Variants in RNF130 observed in about 807,000 individuals in gnomAD.
RNF130 encodes ring finger protein 130.
In RNF130, 21 loss-of-function variants were observed where a neutral mutation model predicts 44.6. The ratio of observed to expected loss-of-function variants is 0.47; its 90% CI spans 0.33 to 0.68. The LOEUF is 0.68. RNF130 is among the 30% of genes least tolerant of loss of function. The pLI is 0.02. For synonymous variants in RNF130, 214 were observed against 210.4 expected (o/e 1.02, Z -0.15); for missense variants, 479 against 560.6 (o/e 0.85, Z 1.47).
intron 7 of RNF130, among the ~76,000 whole-genome samples, chr5:179,965,900 G>C (rs1003193420): frequency 6.6e-6 from 1 of 152,184 alleles, no homozygotes; most frequent in African/African-American, 2.4e-5. Context: ...TTTTGTAACA[G>C]TGTCATCCAT....
chr5:180,050,627 C>T (rs553653874), intron 1 of RNF130, among the ~76,000 whole-genome samples: 3 of 152,330 alleles, frequency 2.0e-5, no homozygotes, highest in African/African-American at 7.2e-5. Flanking sequence ...TGTTCCATTT[C>T]CCTCCTCCTT....
chr5:180,014,654 G>A (rs1763672676), intron 2 of RNF130, among the ~76,000 whole-genome samples: 1 of 152,132 alleles, frequency 6.6e-6, no homozygotes, highest in African/African-American at 2.4e-5. Flanking sequence ...CCATCTTTGT[G>A]TTACATGCAG....
intron 1 of RNF130, among the ~76,000 whole-genome samples, chr5:180,069,376 G>A (rs1582238795): frequency 6.6e-6 from 1 of 152,240 alleles, no homozygotes; most frequent in South Asian, 2.1e-4. Flanking sequence ...TTGGTACAAA[G>A]CCAGACTTAA....
At chr5:180,034,372 A>G (rs1764202078) in intron 2 of RNF130, among the ~76,000 whole-genome samples, 1 of 152,226 alleles carries the variant, frequency 6.6e-6, no homozygotes, top group Admixed American at 6.5e-5. Flanking sequence ...ATATGAAGGT[A>G]AAAACCAGCT....
chr5:179,931,175 G>A (rs949450227), intron 7 of RNF130, among the ~76,000 whole-genome samples: 1 of 152,054 alleles, frequency 6.6e-6, no homozygotes, highest in Admixed American at 6.6e-5. Flanking sequence ...GGATTCCTGT[G>A]ACAGTGTTTC....
intron 5 of RNF130, among the ~76,000 whole-genome samples, chr5:179,972,187 G>A (rs1260329074): frequency 6.6e-6 from 1 of 152,040 alleles, no homozygotes; most frequent in African/African-American, 2.4e-5. Context: ...TTCCAGCAGG[G>A]GTCAAGTGCA....
At chr5:180,051,749 T>C (rs1386507277) in intron 1 of RNF130, among the ~76,000 whole-genome samples, 1 of 152,192 alleles carries the variant, frequency 6.6e-6, no homozygotes, top group African/African-American at 2.4e-5. Flanking sequence ...AACGCAAATA[T>C]ATCTGTTGGA....
At chr5:179,956,052 A>T (rs1317439080) in intron 8 of RNF130, 1 of 173,408 alleles carries the variant, frequency 5.8e-6, no homozygotes, top group Admixed American at 6.2e-5. Flanking sequence ...TACCTCTCAA[A>T]CAAGAATGTC....
chr5:179,976,734 T>G (rs930759604), intron 5 of RNF130: 1 of 151,584 alleles, frequency 6.6e-6, no homozygotes, highest in African/African-American at 2.4e-5. Flanking sequence ...AGACTCAAAA[T>G]AGATTACTTT....
intron 3 of RNF130, among the ~76,000 whole-genome samples, chr5:179,996,963 G>A (rs776808182): frequency 6.6e-6 from 1 of 152,112 alleles, no homozygotes; most frequent in Non-Finnish European, 1.5e-5. Context: ...TTTAATGGGA[G>A]ACTTTTAATT....
intron 8 of RNF130, among the ~76,000 whole-genome samples, chr5:179,958,919 G>A (rs150677242): frequency 6.6e-6 from 1 of 152,250 alleles, no homozygotes; most frequent in East Asian, 1.9e-4. Flanking sequence ...GACCTCAGGT[G>A]ATCTGCCCAC....
intron 2 of RNF130, chr5:180,015,331 CT>C (rs1360300711): frequency 1.9e-6 from 1 of 533,596 alleles, no homozygotes; most frequent in Non-Finnish European, 3.9e-6. Flanking sequence ...TATAAAGTAA[CT>C]GAGACGGATC....
intron 5 of RNF130, among the ~76,000 whole-genome samples, chr5:179,972,955 G>A (rs929083339): frequency 2.6e-5 from 4 of 152,040 alleles, no homozygotes; most frequent in Admixed American, 6.5e-5. Context: ...CCTCTAGGCT[G>A]TGGGGTACTA....
intron 1 of RNF130, among the ~76,000 whole-genome samples, chr5:180,042,762 C>T (rs1414385422): frequency 6.6e-6 from 1 of 152,198 alleles, no homozygotes; most frequent in African/African-American, 2.4e-5. Context: ...GATGTGTACC[C>T]CTGCCTTCTG....
rs527268240 is a variant in RNF130, at chr5:179,933,969, G to A, written c.1151-13543C>T. 1.0e-5 allele frequency: 4 copies of A among 387,368 alleles called. No individual in the cohort carries two copies. In the East Asian group the frequency reaches 2.7e-4, roughly 26 times the overall value. The allele number at this position is 387,368 out of a possible 1,614,324, so 24.0% of individuals were successfully genotyped here. On this transcript the variant is annotated intron_variant, in intron 7 of 7. Transcript: ENST00000522208. ...ATCTTTGAGCTGCACCTCCAAGTTG[G>A]GGCTGATTATGGCACACTTGTTTAA...
intron 7 of RNF130, among the ~76,000 whole-genome samples, chr5:179,923,093 G>A (rs559056855): frequency 3.0e-4 from 46 of 152,154 alleles, no homozygotes; most frequent in Middle Eastern, 3.4e-3. Context: ...TATAGTTTGT[G>A]CTTTTTGTGT....
Position 179,997,808 on chromosome 5 carries a change from A to AT in RNF130, c.693+15252dup, listed in dbSNP as rs201595061. ...ACTTATTCCTGATTTGAACTTCATTATTTTTTTTTGCTTCTTCTGACTTTG... is the reference window on the plus strand; with the variant it reads ...ACTTATTCCTGATTTGAACTTCATTATTTTTTTTTTGCTTCTTCTGACTTTG... On this transcript the variant is annotated intron_variant, in intron 3 of 8. Coordinates refer to ENST00000521389, the MANE Select transcript of RNF130 (RefSeq NM_018434.6). 3.1e-3 allele frequency among the ~76,000 whole-genome samples: 464 copies of AT among 147,970 alleles called. 5 individuals carry two copies. Among genetic ancestry groups the AT allele is most frequent in the Middle Eastern group, 0.014 (4 of 282 alleles).
intron 7 of RNF130, among the ~76,000 whole-genome samples, chr5:179,924,410 A>C (rs546949369): frequency 6.6e-6 from 1 of 150,972 alleles, no homozygotes; most frequent in Non-Finnish European, 1.5e-5. Context: ...CAGGAAAATC[A>C]CTTGAACCCA....
intron 3 of RNF130, among the ~76,000 whole-genome samples, chr5:179,985,335 T>C (rs1762930316): frequency 6.6e-6 from 1 of 152,124 alleles, no homozygotes; most frequent in Non-Finnish European, 1.5e-5. Context: ...AACAGTGCCA[T>C]CTTTCCAGAC....
Sources: gnomAD v4.1 joint callset for allele counts (sites outside exome capture counted in the v4.1 genomes callset) on GRCh38, gnomAD v4.1.1 for gene constraint, MANE v1.5 for transcripts, NCBI Gene and HGNC (gene_info 2026-07-23, HGNC 2026-07-21) for gene names.